The following PCDHGA2 variants were observed in gnomAD, a reference collection of about 807,000 sequenced individuals.
The protein encoded by PCDHGA2 is protocadherin gamma subfamily A, 2.
In PCDHGA2, 40 loss-of-function variants were observed where a neutral mutation model predicts 59.2. That is an observed-to-expected ratio of 0.68 (90% confidence interval 0.52 to 0.88). PCDHGA2 has a LOEUF of 0.88. PCDHGA2 is among the 40% of genes least tolerant of loss of function. The pLI, the probability that PCDHGA2 is intolerant of heterozygous loss-of-function variation, is 0.00. For missense variants in PCDHGA2, 1,226 were observed against 1,204.0 expected, an observed-to-expected ratio of 1.02 and a Z score of -0.27; for synonymous variants, 560 against 526.0, an observed-to-expected ratio of 1.06 and a Z score of -0.89.
At chr5:141,391,586 A>T (rs2092395151) in intron 1 of PCDHGA2, 1 of 152,234 alleles carries the variant, frequency 6.6e-6, no homozygotes. Flanking sequence ...TTCACAGGAA[A>T]ATATAAAGTT....
chr5:141,360,633 A>G, intron 1 of PCDHGA2: 2 of 1,614,028 alleles, frequency 1.2e-6, no homozygotes, highest in Non-Finnish European at 1.7e-6. Flanking sequence ...GTCCTAACTC[A>G]CTACAAAGAT....
chr5:141,350,970 C>T, intron 1 of PCDHGA2: 1 of 1,614,072 alleles, frequency 6.2e-7, no homozygotes, highest in Non-Finnish European at 8.5e-7. Context: ...GATAATGCTC[C>T]CGTGTTTAGC....
At chr5:141,403,978 C>T (rs965753943) in intron 1 of PCDHGA2, 2 of 1,613,714 alleles carry the variant, frequency 1.2e-6, no homozygotes, top group African/African-American at 2.7e-5. Context: ...ATGTAAATGA[C>T]AATAGACCTG....
At chr5:141,384,620 G>T in intron 1 of PCDHGA2, 1 of 1,614,200 alleles carries the variant, frequency 6.2e-7, no homozygotes, top group Non-Finnish European at 8.5e-7. Flanking sequence ...GGTTCTACTG[G>T]CATGGAGCTG....
chr5:141,421,309 C>T (rs781110850), intron 1 of PCDHGA2: 9 of 1,613,516 alleles, frequency 5.6e-6, no homozygotes, highest in Admixed American at 1.7e-5. Context: ...GCGGGGGTTC[C>T]GGGCCAGGCA....
intron 1 of PCDHGA2, chr5:141,419,306 C>A: frequency 1.9e-6 from 3 of 1,614,032 alleles, no homozygotes; most frequent in Non-Finnish European, 2.5e-6. Context: ...AGACTTCGGG[C>A]TCAACGGCCG....
intron 1 of PCDHGA2, among the ~76,000 whole-genome samples, chr5:141,467,695 T>C (rs1189395935): frequency 6.6e-6 from 1 of 152,142 alleles, no homozygotes; most frequent in Non-Finnish European, 1.5e-5. Flanking sequence ...AGGGTCTGGC[T>C]CTGTTGCCCA....
intron 1 of PCDHGA2, chr5:141,389,731 G>A: frequency 6.2e-7 from 1 of 1,612,688 alleles, no homozygotes; most frequent in Non-Finnish European, 8.5e-7. Flanking sequence ...GGGCTCTTCA[G>A]CCTGGGGCTG....
At chr5:141,409,063 C>A (rs988950366) in intron 1 of PCDHGA2, 2 of 1,613,860 alleles carry the variant, frequency 1.2e-6, no homozygotes, top group African/African-American at 2.7e-5. Flanking sequence ...CTGCCCAGAG[C>A]ACAAAACATA....
chr5:141,411,258 A>G (rs1415319110), intron 1 of PCDHGA2: 1 of 152,200 alleles, frequency 6.6e-6, no homozygotes, highest in African/African-American at 2.4e-5. Flanking sequence ...TATCTTATTT[A>G]TATATTTTTA....
chr5:141,409,196 A>G (rs1197077093), intron 1 of PCDHGA2: 2 of 1,613,926 alleles, frequency 1.2e-6, no homozygotes, highest in Non-Finnish European at 1.7e-6. Flanking sequence ...TACCCAGTGT[A>G]AAGTAATCAT....
In PCDHGA2 at chr5:141,399,918, C is replaced by T. The variant is rs1163309827; in HGVS notation, c.2424+58523C>T. On this transcript the variant is annotated intron_variant, in intron 1 of 3. Coordinates refer to ENST00000394576, the MANE Select transcript of PCDHGA2 (RefSeq NM_018915.4). ...CCGTGGACGCAGACTCAGGACACAA[C>T]GCCTGGCTGTCCTACCACGTGCTGC... The T allele has an allele frequency of 4.3e-6, 7 of 1,612,240 alleles. No individual in the cohort carries two copies. In the East Asian group the frequency reaches 8.9e-5, roughly 21 times the overall value.
At position 141,491,067 on chromosome 5, in the gene PCDHGA2, G is replaced by T. The variant is rs752758445; in HGVS notation, c.2425-3740G>T. On this transcript the variant is annotated intron_variant, in intron 1 of 3. Transcript: ENST00000394576. The surrounding 1 kb of genome is among the most constrained non-coding windows in gnomAD (Gnocchi z 6.9). Reference sequence around the variant, plus strand: ...ACAATGCGTGGCTCTCCTACTCACTGTTGCCACAGTCCACAGCCCCAGGAC... The same window carrying T: ...ACAATGCGTGGCTCTCCTACTCACTTTTGCCACAGTCCACAGCCCCAGGAC... 1.2e-6 allele frequency: 2 copies of T among 1,614,200 alleles called. No homozygotes were observed. The highest frequency in any genetic ancestry group is 1.7e-6 in the Non-Finnish European group (2 of 1,180,040).
At position 141,489,886 on chromosome 5, in the gene PCDHGA2, G is replaced by A; in HGVS notation, c.2425-4921G>A. ...ACATCAGCTGGTGCTTACTGCTGTG[G>A]ATGGGGGGACCCCAGCCCGCTCAGG... is the stretch of plus-strand genomic sequence containing the variant. On this transcript the variant is annotated intron_variant, in intron 1 of 3. Transcript: ENST00000394576. This position sits in a 1 kb window ranked among gnomAD's most constrained non-coding sequence, Gnocchi z 4.5. 6.2e-7 allele frequency: 1 copy of A among 1,614,256 alleles called. No individual in the cohort carries two copies. The highest frequency in any genetic ancestry group is 8.5e-7 in the Non-Finnish European group (1 of 1,180,044).
At chr5:141,450,796 G>GTATT (rs1490825772) in intron 1 of PCDHGA2, among the ~76,000 whole-genome samples, 8 of 145,976 alleles carry the variant, frequency 5.5e-5, no homozygotes, top group African/African-American at 1.8e-4. Flanking sequence ...CCTCATGATT[G>GTATT]TATTTATTTA....
intron 1 of PCDHGA2, chr5:141,412,660 T>C (rs1337663720): frequency 6.6e-6 from 1 of 152,262 alleles, no homozygotes; most frequent in African/African-American, 2.4e-5. Flanking sequence ...ACCTAGACAC[T>C]AATATGACCT....
intron 1 of PCDHGA2, among the ~76,000 whole-genome samples, chr5:141,348,005 C>A (rs1001177400): frequency 1.3e-5 from 2 of 152,128 alleles, no homozygotes; most frequent in Admixed American, 6.5e-5. Flanking sequence ...TCAGCCTCTG[C>A]GGGAGATTTC....
Position 141,351,103 on chromosome 5 carries a change from C to G in PCDHGA2, c.2424+9708C>G, listed in dbSNP as rs547716264. The stretch of plus-strand genomic sequence containing the variant: ...AGATCACCTATGCCTTCCTCAATTC[C>G]CCAATAAGTACCAGCCTCTTCAATC... On this transcript the variant is annotated intron_variant, in intron 1 of 3. Coordinates refer to ENST00000394576, the MANE Select transcript of PCDHGA2 (RefSeq NM_018915.4). The G allele has an allele frequency of 1.2e-5, 19 of 1,614,056 alleles. No homozygotes were observed. In the South Asian group the frequency reaches 2.0e-4, roughly 17 times the overall value.
chr5:141,492,492 G>A (rs896538392), intron 1 of PCDHGA2, among the ~76,000 whole-genome samples: 2 of 152,206 alleles, frequency 1.3e-5, no homozygotes, highest in African/African-American at 2.4e-5. Context: ...AGGACCAGGC[G>A]AGGACTCCGG....
Sources: allele counts gnomAD v4.1 joint callset (sites outside exome capture counted in the v4.1 genomes callset), GRCh38; gene constraint gnomAD v4.1.1; non-coding constraint Gnocchi (gnomAD v3.1); transcripts MANE v1.5; gene names NCBI Gene and HGNC (gene_info 2026-07-23, HGNC 2026-07-21).